Variants in DENND1B observed in about 807,000 individuals in gnomAD.
DENND1B encodes DENN domain-containing protein 1B.
In DENND1B, 59 loss-of-function variants were observed where a neutral mutation model predicts 90.1. The observed-to-expected ratio is 0.65, with a 90% CI of 0.53 to 0.81. The LOEUF is 0.81. Ranked by LOEUF, DENND1B falls within the 40% of genes least tolerant of loss-of-function variation. DENND1B has a pLI of 0.00. For missense variants in DENND1B, 862 were observed against 912.6 expected, an observed-to-expected ratio of 0.94 and a Z score of 0.71; for synonymous variants, 337 against 324.6, an observed-to-expected ratio of 1.04 and a Z score of -0.41.
At chr1:197,602,937 T>C (rs1676335287) in intron 13 of DENND1B, among the ~76,000 whole-genome samples, 2 of 151,354 alleles carry the variant, frequency 1.3e-5, no homozygotes, top group African/African-American at 4.8e-5. Flanking sequence ...AACCACTTAA[T>C]GCACTCCTTC....
intron 10 of DENND1B, among the ~76,000 whole-genome samples, chr1:197,629,193 T>C (rs376600316): frequency 8.5e-5 from 13 of 152,076 alleles, no homozygotes; most frequent in African/African-American, 2.9e-4. Context: ...ACCCAAAGGA[T>C]TATAAATCAT....
At chr1:197,653,014 A>G (rs1372220923) in intron 6 of DENND1B, among the ~76,000 whole-genome samples, 1 of 152,034 alleles carries the variant, frequency 6.6e-6, no homozygotes, top group Non-Finnish European at 1.5e-5. Flanking sequence ...AGAATAAATC[A>G]AAGGAAAAGG....
At chr1:197,548,472 C>T (rs538204095) in intron 16 of DENND1B, among the ~76,000 whole-genome samples, 8 of 152,030 alleles carry the variant, frequency 5.3e-5, no homozygotes, top group South Asian at 4.2e-4. Flanking sequence ...TGAAAGATAA[C>T]GATTAAACAA....
intron 9 of DENND1B, among the ~76,000 whole-genome samples, chr1:197,644,938 A>T (rs1027209269): frequency 1.3e-5 from 2 of 152,138 alleles, no homozygotes; most frequent in African/African-American, 4.8e-5. Context: ...GATTCATTTT[A>T]ACTTTCCAAG....
At chr1:197,661,313 G>T (rs914780832) in intron 5 of DENND1B, among the ~76,000 whole-genome samples, 1 of 151,828 alleles carries the variant, frequency 6.6e-6, no homozygotes, top group African/African-American at 2.4e-5. Context: ...ATAACTCAAA[G>T]AAATAGTTTT....
chr1:197,749,814 T>G (rs1265397689), intron 2 of DENND1B, among the ~76,000 whole-genome samples: 1 of 152,138 alleles, frequency 6.6e-6, no homozygotes, highest in Non-Finnish European at 1.5e-5. Flanking sequence ...TTTCAATTTA[T>G]AGTGAAGTTT....
intron 4 of DENND1B, among the ~76,000 whole-genome samples, 178 bp downstream of exon 4, chr1:197,673,942 T>C (rs1454562370): frequency 2.6e-5 from 4 of 152,262 alleles, no homozygotes; most frequent in Non-Finnish European, 4.4e-5. Context: ...AAAGATGTGA[T>C]TTAAAAGGCT....
chr1:197,625,693 T>C (rs1678628299), intron 10 of DENND1B, among the ~76,000 whole-genome samples: 1 of 152,084 alleles, frequency 6.6e-6, no homozygotes, highest in South Asian at 2.1e-4. Flanking sequence ...ATGGACTAAA[T>C]GCTCCAATTA....
chr1:197,690,590 T>G (rs1657760584), intron 3 of DENND1B: 1 of 244,020 alleles, frequency 4.1e-6, no homozygotes, highest in African/African-American at 2.3e-5. Flanking sequence ...CTGCTAGAGT[T>G]GGGAAGGTCA....
At position 197,662,498 on chromosome 1, in the gene DENND1B, T is replaced by C. The variant is rs555912886; in HGVS notation, c.297-4129A>G. 4.6e-5 allele frequency among the ~76,000 whole-genome samples: 7 copies of C among 152,168 alleles called. No homozygotes were observed. The East Asian group carries it at 7.7e-4, about 17-fold the overall frequency. On this transcript the variant is annotated intron_variant, in intron 5 of 22. Coordinates refer to ENST00000620048, the MANE Select transcript of DENND1B (RefSeq NM_001195215.2). ...AGAACCCTAATCAACCTGAGTAATA[T>C]ATGCTCAGGGGTCTACCACAGACAG...
intron 7 of DENND1B, 97 bp downstream of exon 7, chr1:197,652,138 G>A (rs1222813015): frequency 5.4e-6 from 5 of 927,362 alleles, no homozygotes; most frequent in African/African-American, 5.1e-5. Context: ...TGGAAGCAGA[G>A]ATGACTTGGT....
chr1:197,572,556 C>T (rs965210798), intron 15 of DENND1B, among the ~76,000 whole-genome samples: 5 of 152,186 alleles, frequency 3.3e-5, no homozygotes, highest in Non-Finnish European at 5.9e-5. Context: ...CTGAAGGGAG[C>T]AGTGGTTCTC....
At chr1:197,605,607 T>A (rs766240564) in intron 13 of DENND1B, 11 of 151,310 alleles carry the variant, frequency 7.3e-5, no homozygotes, top group Non-Finnish European at 1.2e-4. Context: ...TCTCTATCCA[T>A]TGAATAATAC....
rs142149815 is a variant in DENND1B at position 197,687,783 on chromosome 1, C to T, written c.127-13614G>A. On this transcript the variant is annotated intron_variant, in intron 3 of 22. Coordinates refer to ENST00000620048, the MANE Select transcript of DENND1B (RefSeq NM_001195215.2). ...GCCAAAATGCCTATTCTTACCACCT[C>T]TATTCAATATAGTACTGGAAGTCAC... is the stretch of plus-strand genomic sequence containing the variant. Among the ~76,000 whole-genome samples, 672 of 152,132 alleles carry T rather than the reference C, an allele frequency of 4.4e-3. 10 individuals carry two copies. The highest frequency in any genetic ancestry group is 0.015 in the African/African-American group (629 of 41,544).
intron 15 of DENND1B, 97 bp from the exon 16 acceptor site, chr1:197,553,209 CA>C: frequency 1.1e-6 from 1 of 940,046 alleles, no homozygotes; most frequent in Non-Finnish European, 1.5e-6. Flanking sequence ...TTACTTACAT[CA>C]AAAACATTAA....
At chr1:197,707,305 CA>C (rs1208076124) in intron 3 of DENND1B, among the ~76,000 whole-genome samples, 2 of 151,834 alleles carry the variant, frequency 1.3e-5, no homozygotes, top group Non-Finnish European at 2.9e-5. Flanking sequence ...TTAATGGATC[CA>C]AAATGACAGC....
chr1:197,706,589 AACAAT>A (rs1450434730), intron 3 of DENND1B, among the ~76,000 whole-genome samples: 4 of 152,180 alleles, frequency 2.6e-5, no homozygotes, highest in Non-Finnish European at 1.5e-5. Context: ...CAAAAACACA[AACAAT>A]ACAATTTTAA....
chr1:197,719,380 G>C (rs984362737), intron 2 of DENND1B, among the ~76,000 whole-genome samples: 1 of 152,114 alleles, frequency 6.6e-6, no homozygotes, highest in Non-Finnish European at 1.5e-5. Flanking sequence ...TTCAGATCAA[G>C]ACAGTGAGAG....
At chr1:197,758,960 A>ATTTTTTTTTTTTTTTTTTTTT (rs759108636) in intron 2 of DENND1B, among the ~76,000 whole-genome samples, 1 of 97,850 alleles carries the variant, frequency 1.0e-5, no homozygotes, top group African/African-American at 3.7e-5. Flanking sequence ...TACTTCATTA[A>ATTTTTTTTTTTTTTTTTTTTT]TTTTTTTTTT....
Sources: allele counts gnomAD v4.1 joint callset (sites outside exome capture counted in the v4.1 genomes callset), GRCh38; gene constraint gnomAD v4.1.1; transcripts MANE v1.5; gene names NCBI Gene and HGNC (gene_info 2026-07-23, HGNC 2026-07-21).